Variants in MIER1 observed in about 807,000 individuals in gnomAD.
MIER1 encodes the protein MIER1 transcriptional regulator.
A neutral mutation model predicts 75.7 loss-of-function variants in MIER1; 40 were observed. That is an observed-to-expected ratio of 0.53 (90% CI 0.41 to 0.69). The LOEUF is 0.69. Ranked by LOEUF, MIER1 falls within the 30% of genes least tolerant of loss-of-function variation. The probability of loss-of-function intolerance (pLI) is 0.00; values close to 1 mark genes in which losing one functional copy is unlikely to be tolerated. For synonymous variants in MIER1, 213 were observed against 223.4 expected, an observed-to-expected ratio of 0.95 and a Z score of 0.42; for missense variants, 574 against 680.2, an observed-to-expected ratio of 0.84 and a Z score of 1.74.
chr1:66,939,243 T>C (rs1344455204), intron 2 of MIER1, among the ~76,000 whole-genome samples: 1 of 152,168 alleles, frequency 6.6e-6, no homozygotes, highest in African/African-American at 2.4e-5. Context: ...TTTATAATTG[T>C]GAATTAACTG....
chr1:66,972,695 G>A (rs1408785505), intron 10 of MIER1, among the ~76,000 whole-genome samples: 1 of 152,006 alleles, frequency 6.6e-6, no homozygotes, highest in Non-Finnish European at 1.5e-5. Flanking sequence ...AGTTGAAGCT[G>A]GAGAGGTAGG....
At chr1:66,959,345 C>T (rs567880665) in intron 6 of MIER1, among the ~76,000 whole-genome samples, 1 of 152,044 alleles carries the variant, frequency 6.6e-6, no homozygotes, top group Non-Finnish European at 1.5e-5. Flanking sequence ...ACCTAAATTT[C>T]TCTACTTTAA....
intron 3 of MIER1, among the ~76,000 whole-genome samples, chr1:66,940,863 A>G (rs1017445685): frequency 1.3e-5 from 2 of 152,202 alleles, no homozygotes; most frequent in Non-Finnish European, 2.9e-5. Context: ...AGTGACTGTC[A>G]AGAGAAATGG....
In MIER1 at chr1:66,988,263, C is replaced by G. The variant is rs1475847029; in HGVS notation, c.*3363C>G. 6.6e-6 allele frequency: 1 copy of G among 152,308 alleles called. No individual in the cohort carries two copies. The highest frequency in any genetic ancestry group is 6.5e-5 in the Admixed American group (1 of 15,284). The allele number at this position is 152,308 out of a possible 1,614,324, so 9.4% of individuals were successfully genotyped here. ...CTTTTATTCTAAAAATGACTCTCTTCTCTCAAAATGACTTTTTCTGTATCA... is the reference window on the plus strand; with the variant it reads ...CTTTTATTCTAAAAATGACTCTCTTGTCTCAAAATGACTTTTTCTGTATCA... On this transcript the variant is annotated 3_prime_UTR_variant, in exon 14 of 14. Coordinates refer to ENST00000401041, the MANE Select transcript of MIER1 (RefSeq NM_001077700.3).
chr1:66,946,405 T>C (rs180681570), intron 4 of MIER1, 110 bp downstream of exon 4: 1 of 1,415,706 alleles, frequency 7.1e-7, no homozygotes, highest in Non-Finnish European at 9.2e-7. Context: ...TATATATTAA[T>C]GACTGAAAAA....
At position 66,985,800 on chromosome 1, in the gene MIER1, TAA is replaced by T; in HGVS notation, c.*902_*903del. ...CTTATCCAGGTGGTTAAAGCATTCA[TAA>T]AGGATTATAAAATTTTTTTTTTTTT... is the stretch of plus-strand genomic sequence containing the variant. On this transcript the variant is annotated 3_prime_UTR_variant, in exon 14 of 14. Transcript: ENST00000401041. 5.8e-6 allele frequency: 5 copies of T among 858,542 alleles called. No homozygotes were observed. The highest frequency in any genetic ancestry group is 7.0e-6 in the Non-Finnish European group (5 of 719,286). 53.2% of individuals were successfully genotyped at this position (858,542 alleles called of 1,614,324 possible).
At chr1:66,978,873 A>G (rs1665304749) in intron 12 of MIER1, among the ~76,000 whole-genome samples, 1 of 152,192 alleles carries the variant, frequency 6.6e-6, no homozygotes, top group African/African-American at 2.4e-5. Context: ...TAATTTCTCT[A>G]TTGATCTCCC....
chr1:66,925,255 G>T (rs1367273483), intron 1 of MIER1, 160 bp downstream of exon 1: 2 of 983,450 alleles, frequency 2.0e-6, no homozygotes, highest in Non-Finnish European at 2.4e-6. Flanking sequence ...CGCAGAACGC[G>T]CCTGGCTTGC....
intron 4 of MIER1, among the ~76,000 whole-genome samples, chr1:66,953,585 ATTTTC>A (rs1659462447): frequency 7.1e-6 from 1 of 141,580 alleles, no homozygotes; most frequent in African/African-American, 2.6e-5. Flanking sequence ...GTAAGTAAGC[ATTTTC>A]TTTTCCTTTT....
At chr1:66,954,852 G>A (rs112355788) in intron 4 of MIER1, among the ~76,000 whole-genome samples, 11,552 of 152,056 alleles carry the variant, frequency 0.076, 553 homozygotes, top group African/African-American at 0.13. Context: ...GACTACAGGT[G>A]TGCACCACCA....
intron 3 of MIER1, among the ~76,000 whole-genome samples, chr1:66,944,876 G>A (rs1657120016): frequency 6.6e-6 from 1 of 151,808 alleles, no homozygotes; most frequent in African/African-American, 2.4e-5. Context: ...CAGGCACACA[G>A]CACCACACCC....
At chr1:66,938,744 G>A (rs1389183425) in intron 2 of MIER1, among the ~76,000 whole-genome samples, 1 of 152,092 alleles carries the variant, frequency 6.6e-6, no homozygotes, top group Non-Finnish European at 1.5e-5. Flanking sequence ...TGGTAGTGGT[G>A]TACCATTGGA....
chr1:66,935,692 G>C (rs926641310), intron 2 of MIER1, among the ~76,000 whole-genome samples: 31 of 152,086 alleles, frequency 2.0e-4, no homozygotes, highest in African/African-American at 7.5e-4. Context: ...ATTCCCTAGA[G>C]GTAACTATTG....
intron 3 of MIER1, among the ~76,000 whole-genome samples, chr1:66,940,832 A>G (rs1656041052): frequency 6.6e-6 from 1 of 152,194 alleles, no homozygotes. Context: ...GTCAAGTACT[A>G]GTCTTTTATC....
chr1:66,941,655 G>A (rs993027406), intron 3 of MIER1, among the ~76,000 whole-genome samples: 6 of 152,146 alleles, frequency 3.9e-5, no homozygotes, highest in African/African-American at 1.4e-4. Context: ...AGGCTGAACT[G>A]GAAGAATAAT....
At chr1:66,930,221 G>A in intron 2 of MIER1, 4 of 1,406,584 alleles carry the variant, frequency 2.8e-6, no homozygotes, top group Admixed American at 3.5e-5. Context: ...GGGGCGGAGT[G>A]GGGTGTGGTG....
chr1:66,961,941 G>A (rs1420037980), intron 7 of MIER1, among the ~76,000 whole-genome samples: 2 of 152,222 alleles, frequency 1.3e-5, no homozygotes, highest in South Asian at 4.1e-4. Flanking sequence ...CGTCTTTGAA[G>A]TTGTACTGGA....
chr1:66,926,689 G>A (rs551035706), intron 2 of MIER1, among the ~76,000 whole-genome samples: 1 of 152,266 alleles, frequency 6.6e-6, no homozygotes, highest in South Asian at 2.1e-4. Context: ...TAAAGACATG[G>A]TGTAGGCTGT....
chr1:66,973,830 G>A (rs1219962753), intron 11 of MIER1, among the ~76,000 whole-genome samples: 1 of 152,020 alleles, frequency 6.6e-6, no homozygotes, highest in African/African-American at 2.4e-5. Flanking sequence ...CAAGGGTATT[G>A]GTTTATGTAA....
Sources: allele counts gnomAD v4.1 joint callset (sites outside exome capture counted in the v4.1 genomes callset), GRCh38; gene constraint gnomAD v4.1.1; transcripts MANE v1.5; gene names NCBI Gene and HGNC (gene_info 2026-07-23, HGNC 2026-07-21).